BCKDHB: variants seen among roughly 807,000 people sequenced by gnomAD.
BCKDHB encodes 2-oxoisovalerate dehydrogenase subunit beta, mitochondrial.
A neutral mutation model predicts 48.5 loss-of-function variants in BCKDHB; 41 were observed. The observed-to-expected ratio is 0.85, with a 90% CI of 0.66 to 1.10. The LOEUF is 1.10. Among genes scored for constraint, BCKDHB ranks in the 50% least tolerant of loss-of-function variants. BCKDHB has a pLI of 0.00. For missense variants in BCKDHB, 496 were observed against 494.2 expected, an observed-to-expected ratio of 1.00 and a Z score of -0.03; for synonymous variants, 201 against 174.8, an observed-to-expected ratio of 1.15 and a Z score of -1.18.
chr6:80,422,021 C>G, the BCKDHB span, among the ~76,000 whole-genome samples: 1 of 152,132 alleles, frequency 6.6e-6, no homozygotes, highest in Middle Eastern at 3.2e-3. Flanking sequence ...AAAAATGTCT[C>G]CAGAGCATGC....
chr6:80,459,891 CT>C, the BCKDHB span, among the ~76,000 whole-genome samples: 1 of 152,206 alleles, frequency 6.6e-6, no homozygotes, highest in South Asian at 2.1e-4. Flanking sequence ...ATTATGACAT[CT>C]TGGATCCATA....
intron 8 of BCKDHB, among the ~76,000 whole-genome samples, chr6:80,228,958 A>T (rs980682364): frequency 6.6e-6 from 1 of 152,216 alleles, no homozygotes; most frequent in African/African-American, 2.4e-5. Flanking sequence ...GTATGCCTGA[A>T]CATGCCCAGT....
the BCKDHB span, among the ~76,000 whole-genome samples, chr6:80,407,776 A>T: frequency 3.3e-5 from 5 of 152,090 alleles, no homozygotes; most frequent in African/African-American, 1.2e-4. Context: ...GGGTTTTCTA[A>T]ATATACAGTC....
chr6:80,308,121 A>G (rs1767968163), intron 9 of BCKDHB: 1 of 179,898 alleles, frequency 5.6e-6, no homozygotes, highest in Non-Finnish European at 1.1e-5. Context: ...ACTAAGCTAT[A>G]AGGTCCACTA....
At chr6:80,389,343 G>T in the BCKDHB span, among the ~76,000 whole-genome samples, 2 of 152,182 alleles carry the variant, frequency 1.3e-5, no homozygotes, top group Admixed American at 6.5e-5. Context: ...TGCCCAATTT[G>T]CCAGCAGCAG....
At chr6:80,234,318 CTATT>C (rs1169910922) in intron 8 of BCKDHB, among the ~76,000 whole-genome samples, 5 of 152,068 alleles carry the variant, frequency 3.3e-5, no homozygotes, top group Non-Finnish European at 7.4e-5. Context: ...AAGATTGCGA[CTATT>C]TAGTTTAGAA....
intron 8 of BCKDHB, among the ~76,000 whole-genome samples, chr6:80,232,880 C>T (rs540228667): frequency 6.6e-6 from 1 of 151,706 alleles, no homozygotes; most frequent in South Asian, 2.1e-4. Flanking sequence ...ACAAAAATTG[C>T]TTGAGTCTTT....
chr6:80,373,934 T>C, the BCKDHB span: 1 of 466,900 alleles, frequency 2.1e-6, no homozygotes, highest in South Asian at 1.8e-5. Flanking sequence ...ACAGCAGATA[T>C]TTGTTTGCTG....
rs66729845 is a variant in BCKDHB, at chr6:80,173,802, C to CTT, written c.742+2426_742+2427dup. 1.6e-3 allele frequency among the ~76,000 whole-genome samples: 222 copies of CTT among 137,316 alleles called. 1 individual carries two copies. Among genetic ancestry groups the CTT allele is most frequent in the African/African-American group, 5.7e-3 (214 of 37,372 alleles). The allele number at this position is 137,316 out of a possible 152,430, so 90.1% of individuals were successfully genotyped here. On this transcript the variant is annotated intron_variant, in intron 6 of 9. Transcript: ENST00000320393. Reference sequence around the variant, plus strand: ...GACTATATTTTGGTTTCTACTTTTCCTTTTTTTTTTTTTTTGGATCTTCTG... The same window carrying CTT: ...GACTATATTTTGGTTTCTACTTTTCCTTTTTTTTTTTTTTTTTGGATCTTCTG...
chr6:80,233,625 A>G (rs753965157), intron 8 of BCKDHB, among the ~76,000 whole-genome samples: 2 of 152,184 alleles, frequency 1.3e-5, no homozygotes, highest in African/African-American at 2.4e-5. Context: ...TTCTTCAGGT[A>G]AAGGTCACAC....
chr6:80,381,464 A>G, the BCKDHB span, among the ~76,000 whole-genome samples: 1 of 152,100 alleles, frequency 6.6e-6, no homozygotes, highest in Non-Finnish European at 1.5e-5. Flanking sequence ...ACTTTCTGTT[A>G]TTTAACAGTG....
At chr6:80,277,747 GTTA>G (rs926355524) in intron 9 of BCKDHB, among the ~76,000 whole-genome samples, 4 of 149,246 alleles carry the variant, frequency 2.7e-5, no homozygotes, top group Non-Finnish European at 4.4e-5. Context: ...CCATACCATT[GTTA>G]CATCCTTTCT....
rs1040842793 is a variant in BCKDHB, at chr6:80,273,169, A to C, written c.986A>C (p.His329Pro). ...VIKTGRLLIS[H>P]EAPLTGGFAS... ...AAAACAGGGCGACTGCTAATCAGTC[A>C]CGAGGCTCCCTTGACAGGCGGCTTT... The change falls in exon 9 of 10, where the codon CAC becomes CCC. Residue 329 changes from histidine to proline, a missense_variant. His to Pro is a moderately conservative substitution (Grantham distance 77). Transcript: ENST00000320393. 6.2e-7 allele frequency: 1 copy of C among 1,613,626 alleles called. No homozygotes were observed. The highest frequency in any genetic ancestry group is 8.5e-7 in the Non-Finnish European group (1 of 1,179,670).
intron 8 of BCKDHB, among the ~76,000 whole-genome samples, chr6:80,247,488 T>C (rs899514243): frequency 1.2e-4 from 18 of 152,268 alleles, no homozygotes; most frequent in African/African-American, 4.3e-4. Flanking sequence ...TTCAAAGATA[T>C]GTTACAGGTG....
chr6:80,159,641 T>A (rs140402128), intron 3 of BCKDHB, among the ~76,000 whole-genome samples: 4 of 152,354 alleles, frequency 2.6e-5, no homozygotes, highest in Admixed American at 6.5e-5. Flanking sequence ...AAATTTTTCA[T>A]CATCAAGCTT....
chr6:80,243,920 TTGTC>T (rs1177506536), intron 8 of BCKDHB, among the ~76,000 whole-genome samples: 3 of 152,216 alleles, frequency 2.0e-5, no homozygotes, highest in African/African-American at 7.2e-5. Context: ...ATATTTATGT[TTGTC>T]TATTTCAATA....
chr6:80,245,086 A>ATT (rs55850685), intron 8 of BCKDHB, among the ~76,000 whole-genome samples: 150 of 149,844 alleles, frequency 1.0e-3, no homozygotes, highest in South Asian at 1.3e-3. Context: ...ATCTTCTGTG[A>ATT]TTTTTTTTTT....
At chr6:80,333,509 C>T (rs996263804) in intron 9 of BCKDHB, among the ~76,000 whole-genome samples, 1 of 152,026 alleles carries the variant, frequency 6.6e-6, no homozygotes, top group Admixed American at 6.6e-5. Flanking sequence ...CTATATGCCT[C>T]CATGTTGTTT....
At chr6:80,127,518 C>G in intron 1 of BCKDHB, 29 bp from the exon 2 acceptor site, 2 of 1,556,686 alleles carry the variant, frequency 1.3e-6, no homozygotes, top group Non-Finnish European at 1.8e-6. Flanking sequence ...TTACAACACA[C>G]GAAATGATTT....
Sources: allele counts gnomAD v4.1 joint callset (sites outside exome capture counted in the v4.1 genomes callset), GRCh38; gene constraint gnomAD v4.1.1; transcripts MANE v1.5; gene names NCBI Gene and HGNC (gene_info 2026-07-23, HGNC 2026-07-21).